The following SAMMSON variants were observed in gnomAD, a reference collection of about 807,000 sequenced individuals.
SAMMSON encodes survival associated mitochondrial melanoma specific oncogenic non-coding RNA, also known as long intergenic non-protein coding RNA 1212.
intron 4 of SAMMSON, among the ~76,000 whole-genome samples, chr3:70,157,285 G>C (rs892858924): frequency 1.3e-5 from 2 of 152,068 alleles, no homozygotes; most frequent in African/African-American, 4.8e-5. Flanking sequence ...TACGAGGAAC[G>C]ATGGTGAAGA....
intron 4 of SAMMSON, among the ~76,000 whole-genome samples, chr3:70,169,564 C>T (rs776020213): frequency 2.0e-5 from 3 of 151,442 alleles, no homozygotes; most frequent in Non-Finnish European, 4.4e-5. Flanking sequence ...AGCTTCATGG[C>T]GAAGGTTCCT....
intron 7 of SAMMSON, among the ~76,000 whole-genome samples, chr3:70,306,054 A>C (rs1372463133): frequency 6.6e-6 from 1 of 152,104 alleles, no homozygotes; most frequent in Non-Finnish European, 1.5e-5. Flanking sequence ...GTCAACACTA[A>C]ATAAGTTTAG....
chr3:70,162,584 C>T (rs1250006696), intron 4 of SAMMSON, among the ~76,000 whole-genome samples: 1 of 151,844 alleles, frequency 6.6e-6, no homozygotes, highest in Non-Finnish European at 1.5e-5. Flanking sequence ...GTTCCATGTG[C>T]ACTTGAAGTA....
At chr3:70,119,135 C>A (rs1300261925) in intron 4 of SAMMSON, among the ~76,000 whole-genome samples, 1 of 152,058 alleles carries the variant, frequency 6.6e-6, no homozygotes, top group Non-Finnish European at 1.5e-5. Flanking sequence ...GGCGTGATGT[C>A]GGCTCACTGC....
chr3:70,259,192 C>T (rs1701843588), intron 6 of SAMMSON, among the ~76,000 whole-genome samples: 1 of 152,084 alleles, frequency 6.6e-6, no homozygotes, highest in Admixed American at 6.6e-5. Flanking sequence ...TGAGCTCTAG[C>T]CATTTCCCAG....
At chr3:70,215,247 CA>C (rs1348992347) in intron 4 of SAMMSON, among the ~76,000 whole-genome samples, 1 of 152,022 alleles carries the variant, frequency 6.6e-6, no homozygotes, top group Non-Finnish European at 1.5e-5. Flanking sequence ...GTGGTTTGCC[CA>C]AGATTACCCC....
intron 2 of SAMMSON, among the ~76,000 whole-genome samples, chr3:70,415,265 C>T (rs192456402): frequency 1.3e-5 from 2 of 152,206 alleles, no homozygotes; most frequent in East Asian, 1.9e-4. Context: ...TTCTGTCAAG[C>T]GCATGTTGCC....
At chr3:70,278,153 G>A (rs929075302) in intron 6 of SAMMSON, among the ~76,000 whole-genome samples, 1 of 151,782 alleles carries the variant, frequency 6.6e-6, no homozygotes, top group Non-Finnish European at 1.5e-5. Context: ...CAATTATTTT[G>A]CCTGTTCTTA....
intron 3 of SAMMSON, among the ~76,000 whole-genome samples, chr3:70,053,691 A>T (rs938495759): frequency 6.6e-6 from 1 of 152,152 alleles, no homozygotes; most frequent in African/African-American, 2.4e-5. Flanking sequence ...TTCCCAGGGA[A>T]ACAGACCCTT....
chr3:70,001,606 G>A (rs914500544), intron 1 of SAMMSON, among the ~76,000 whole-genome samples: 1 of 152,112 alleles, frequency 6.6e-6, no homozygotes, highest in Non-Finnish European at 1.5e-5. Context: ...ATTTTCTACT[G>A]TATAGTGTTC....
At chr3:70,426,179 G>A (rs1229045671) in intron 2 of SAMMSON, among the ~76,000 whole-genome samples, 1 of 152,116 alleles carries the variant, frequency 6.6e-6, no homozygotes, top group Non-Finnish European at 1.5e-5. Flanking sequence ...AACTTGGCAA[G>A]CCTATTGTTC....
intron 4 of SAMMSON, among the ~76,000 whole-genome samples, chr3:70,243,384 G>A (rs1701679003): frequency 6.6e-6 from 1 of 152,114 alleles, no homozygotes; most frequent in Non-Finnish European, 1.5e-5. Flanking sequence ...GTAATGAATT[G>A]TATTATTTAA....
chr3:70,352,776 A>T (rs911014148), intron 7 of SAMMSON, among the ~76,000 whole-genome samples: 7 of 152,064 alleles, frequency 4.6e-5, no homozygotes, highest in Admixed American at 3.9e-4. Flanking sequence ...TTCCAAAGGA[A>T]AAAAAGGAGG....
At chr3:70,113,719 G>C (rs954380869) in intron 4 of SAMMSON, among the ~76,000 whole-genome samples, 5 of 152,178 alleles carry the variant, frequency 3.3e-5, no homozygotes, top group African/African-American at 1.2e-4. Flanking sequence ...CCAAACTCAT[G>C]TAGTGAGGCC....
chr3:70,101,092 A>G lies in SAMMSON; in HGVS notation n.507+29527A>G, dbSNP rs571395592. On this transcript the variant is annotated intron_variant and non_coding_transcript_variant, in intron 4 of 9. Transcript: ENST00000642114. ...TATGGTTTAGAAGATATTTAGTCTTAGGGAAAATGCACAAGATGGTGCAGT... is the reference window on the plus strand; with the variant it reads ...TATGGTTTAGAAGATATTTAGTCTTGGGGAAAATGCACAAGATGGTGCAGT... 1.2e-4 allele frequency among the ~76,000 whole-genome samples: 18 copies of G among 152,298 alleles called. No individual in the cohort carries two copies. In the Middle Eastern group the frequency reaches 0.014, roughly 115 times the overall value.
chr3:70,133,506 T>C (rs1262557175), intron 4 of SAMMSON, among the ~76,000 whole-genome samples: 1 of 152,160 alleles, frequency 6.6e-6, no homozygotes, highest in African/African-American at 2.4e-5. Flanking sequence ...CAATGAGCTA[T>C]TCTGACAAAT....
At chr3:70,370,700 G>T (rs985749719) in intron 9 of SAMMSON, among the ~76,000 whole-genome samples, 3 of 151,888 alleles carry the variant, frequency 2.0e-5, no homozygotes, top group East Asian at 3.9e-4. Flanking sequence ...TGAGTTCCTT[G>T]TATATCCTGC....
intron 3 of SAMMSON, chr3:70,069,219 C>G (rs1024194552): frequency 2.6e-5 from 4 of 152,198 alleles, no homozygotes; most frequent in Admixed American, 2.6e-4. Flanking sequence ...AGTATAATGT[C>G]ATTTTCATTC....
intron 6 of SAMMSON, among the ~76,000 whole-genome samples, chr3:70,264,458 C>A (rs981448840): frequency 5.9e-5 from 9 of 152,302 alleles, no homozygotes; most frequent in Admixed American, 2.6e-4. Context: ...TAACAGATCA[C>A]AAGGATCAAT....
Sources: allele counts gnomAD v4.1 joint callset (sites outside exome capture counted in the v4.1 genomes callset), GRCh38; gene constraint gnomAD v4.1.1; transcripts MANE v1.5; gene names NCBI Gene and HGNC (gene_info 2026-07-23, HGNC 2026-07-21).